SDK1: variants seen among roughly 807,000 people sequenced by gnomAD.
SDK1 encodes sidekick cell adhesion molecule 1.
A neutral mutation model predicts 245.5 loss-of-function variants in SDK1; 157 were observed. The observed-to-expected ratio is 0.64, with a 90% CI of 0.56 to 0.73. The LOEUF (loss-of-function observed/expected upper bound fraction) is 0.73, where lower values mean the gene tolerates loss of function less well. Ranked by LOEUF, SDK1 falls within the 30% of genes least tolerant of loss-of-function variation. The probability of loss-of-function intolerance (pLI) is 0.00; values close to 1 mark genes in which losing one functional copy is unlikely to be tolerated. For missense variants in SDK1, 3,583 were observed against 3,002.3 expected, an observed-to-expected ratio of 1.19 and a Z score of -4.52; for synonymous variants, 1,647 against 1,278.5, an observed-to-expected ratio of 1.29 and a Z score of -6.15.
At chr7:3,406,432 C>T (rs1047917117) in intron 1 of SDK1, among the ~76,000 whole-genome samples, 2 of 152,000 alleles carry the variant, frequency 1.3e-5, no homozygotes, top group Admixed American at 1.3e-4. Flanking sequence ...TTATTTTTTT[C>T]CTCTCCAATG....
chr7:4,158,651 G>C (rs1780923408), intron 31 of SDK1, 100 bp downstream of exon 31: 1 of 784,836 alleles, frequency 1.3e-6, no homozygotes, highest in African/African-American at 1.7e-5. Flanking sequence ...GGGCCACCAG[G>C]GAGTGGTGGA....
chr7:4,217,388 GC>G, intron 38 of SDK1, among the ~76,000 whole-genome samples: 3 of 139,958 alleles, frequency 2.1e-5, no homozygotes, highest in Non-Finnish European at 4.6e-5. Context: ...GCCACCCGGA[GC>G]ACCACACCAC....
intron 42 of SDK1, among the ~76,000 whole-genome samples, chr7:4,239,932 C>G (rs1029145138): frequency 6.6e-6 from 1 of 152,186 alleles, no homozygotes; most frequent in Non-Finnish European, 1.5e-5. Context: ...GACCACAAGT[C>G]CTACCATCCT....
At position 3,867,751 on chromosome 7, in the gene SDK1, G is replaced by T. The variant is rs868046814; in HGVS notation, c.847+46168G>T. ...GCCAAAGCACATCACTTAAAATATG[G>T]TTTTTGATATCTGGCTTATTTTCTG... On this transcript the variant is annotated intron_variant, in intron 5 of 44. Coordinates refer to ENST00000404826, the MANE Select transcript of SDK1 (RefSeq NM_152744.4). 2.6e-5 allele frequency among the ~76,000 whole-genome samples: 4 copies of T among 152,282 alleles called. No individual in the cohort carries two copies. The Middle Eastern group carries it at 0.01, about 391-fold the overall frequency.
At chr7:4,077,636 G>A (rs749215527) in intron 21 of SDK1, among the ~76,000 whole-genome samples, 21 of 152,292 alleles carry the variant, frequency 1.4e-4, no homozygotes, top group Admixed American at 5.2e-4. Context: ...CAATCATGGC[G>A]GAAGGCAAGG....
intron 5 of SDK1, among the ~76,000 whole-genome samples, chr7:3,839,697 T>A (rs1780110493): frequency 1.3e-5 from 2 of 152,244 alleles, no homozygotes; most frequent in South Asian, 4.1e-4. Context: ...CTCATTGAGA[T>A]GTATTTCCAG....
chr7:3,655,393 A>G (rs1259438579), intron 4 of SDK1, among the ~76,000 whole-genome samples: 2 of 144,976 alleles, frequency 1.4e-5, no homozygotes, highest in African/African-American at 2.5e-5. Flanking sequence ...AGATCGCAGC[A>G]TTGCTCTCCA....
At chr7:4,080,343 T>C (rs1185534619) in intron 22 of SDK1, among the ~76,000 whole-genome samples, 1 of 152,086 alleles carries the variant, frequency 6.6e-6, no homozygotes, top group African/African-American at 2.4e-5. Context: ...GGTGAAGCCG[T>C]GCAATCTGCC....
chr7:3,968,933 A>G (rs113460921), intron 10 of SDK1, among the ~76,000 whole-genome samples: 2 of 152,342 alleles, frequency 1.3e-5, no homozygotes, highest in African/African-American at 4.8e-5. Flanking sequence ...TCAGGAAATC[A>G]TGGTGGAAGG....
At chr7:3,406,014 T>C (rs1223043061) in intron 1 of SDK1, among the ~76,000 whole-genome samples, 4 of 152,130 alleles carry the variant, frequency 2.6e-5, no homozygotes, top group African/African-American at 4.8e-5. Context: ...GGTTTCGCCA[T>C]ATTGCTCAGG....
At chr7:3,830,610 C>T (rs182351875) in intron 5 of SDK1, among the ~76,000 whole-genome samples, 1 of 152,124 alleles carries the variant, frequency 6.6e-6, no homozygotes, top group South Asian at 2.1e-4. Flanking sequence ...ATCCTCCCAC[C>T]CCAGCCTCCT....
chr7:4,055,765 T>A (rs1317519905), intron 19 of SDK1, among the ~76,000 whole-genome samples: 2 of 152,176 alleles, frequency 1.3e-5, no homozygotes, highest in African/African-American at 4.8e-5. Context: ...TGTGAGCGTT[T>A]AGTGCTGTAC....
At chr7:3,890,757 C>T (rs959739761) in intron 5 of SDK1, among the ~76,000 whole-genome samples, 2 of 151,934 alleles carry the variant, frequency 1.3e-5, no homozygotes, top group African/African-American at 4.8e-5. Flanking sequence ...GCCTGGGCAA[C>T]ATGGTGAAAC....
intron 5 of SDK1, among the ~76,000 whole-genome samples, chr7:3,889,288 G>A (rs1002784550): frequency 1.3e-5 from 2 of 152,244 alleles, no homozygotes; most frequent in African/African-American, 4.8e-5. Flanking sequence ...GAAGCTGGCA[G>A]CACATCGTGA....
At chr7:3,622,333 T>C (rs1303704054) in intron 2 of SDK1, among the ~76,000 whole-genome samples, 1 of 151,900 alleles carries the variant, frequency 6.6e-6, no homozygotes, top group Admixed American at 6.6e-5. Flanking sequence ...ATACAAAAAT[T>C]AGCCAGGCAT....
intron 2 of SDK1, among the ~76,000 whole-genome samples, chr7:3,626,241 GA>G (rs1299183591): frequency 2.6e-5 from 4 of 151,994 alleles, no homozygotes; most frequent in Non-Finnish European, 1.5e-5. Context: ...CTTCCAGACC[GA>G]AAGGATTTTT....
At chr7:4,133,614 AC>A (rs1266809268) in intron 28 of SDK1, among the ~76,000 whole-genome samples, 1 of 152,164 alleles carries the variant, frequency 6.6e-6, no homozygotes, top group Non-Finnish European at 1.5e-5. Context: ...CTCAGCCAAG[AC>A]CGAATGCTTT....
intron 1 of SDK1, among the ~76,000 whole-genome samples, chr7:3,544,075 C>G (rs917678131): frequency 6.6e-6 from 1 of 152,156 alleles, no homozygotes; most frequent in Non-Finnish European, 1.5e-5. Flanking sequence ...TATCGTTATC[C>G]TTGACTAAAG....
At chr7:3,460,911 C>G (rs556900318) in intron 1 of SDK1, among the ~76,000 whole-genome samples, 13 of 152,134 alleles carry the variant, frequency 8.5e-5, no homozygotes, top group Non-Finnish European at 1.6e-4. Flanking sequence ...TAAATAGCAA[C>G]CTTTTTATCT....
Sources: gnomAD v4.1 joint callset for allele counts (sites outside exome capture counted in the v4.1 genomes callset) on GRCh38, gnomAD v4.1.1 for gene constraint, MANE v1.5 for transcripts, NCBI Gene and HGNC (gene_info 2026-07-23, HGNC 2026-07-21) for gene names.